CNTNAP5: variants seen among roughly 807,000 people sequenced by gnomAD.
The protein encoded by CNTNAP5 is contactin associated protein family member 5, also known as contactin-associated protein-like 5.
In CNTNAP5, 72 loss-of-function variants were observed where a neutral mutation model predicts 150.2. The observed-to-expected ratio is 0.48, with a 90% CI of 0.40 to 0.58. The LOEUF is 0.58. Among genes scored for constraint, CNTNAP5 ranks in the 20% least tolerant of loss-of-function variants. The probability of loss-of-function intolerance (pLI) is 0.00; values close to 1 mark genes in which losing one functional copy is unlikely to be tolerated. For missense variants in CNTNAP5, 1,636 were observed against 1,626.2 expected (o/e 1.01, Z -0.10); for synonymous variants, 672 against 619.8 (o/e 1.08, Z -1.25).
intron 8 of CNTNAP5, among the ~76,000 whole-genome samples, chr2:124,509,785 TG>T (rs1247958970): frequency 6.6e-6 from 1 of 152,064 alleles, no homozygotes; most frequent in Non-Finnish European, 1.5e-5. Flanking sequence ...TTAAGGAAAG[TG>T]GCTATTTAGG....
intron 3 of CNTNAP5, among the ~76,000 whole-genome samples, chr2:124,254,325 A>C (rs1423647607): frequency 6.6e-6 from 1 of 152,048 alleles, no homozygotes; most frequent in Non-Finnish European, 1.5e-5. Flanking sequence ...CCCCAGATGT[A>C]TTTTCCTAGG....
chr2:124,072,976 A>G (rs959802102), intron 1 of CNTNAP5, among the ~76,000 whole-genome samples: 3 of 152,152 alleles, frequency 2.0e-5, no homozygotes, highest in Admixed American at 2.0e-4. Flanking sequence ...AACTATAGTA[A>G]CCAAAACCAG....
At chr2:124,641,717 G>A (rs151315048) in intron 12 of CNTNAP5, among the ~76,000 whole-genome samples, 1 of 152,298 alleles carries the variant, frequency 6.6e-6, no homozygotes, top group Admixed American at 6.5e-5. Context: ...ACTGTTCAAA[G>A]GATGAGAAGC....
At chr2:124,831,480 G>A (rs1682715250) in intron 19 of CNTNAP5, among the ~76,000 whole-genome samples, 1 of 151,262 alleles carries the variant, frequency 6.6e-6, no homozygotes, top group Non-Finnish European at 1.5e-5. Context: ...TTCTCAAAAT[G>A]ATGCATTTTT....
At chr2:124,518,784 C>T (rs1160419425) in intron 8 of CNTNAP5, among the ~76,000 whole-genome samples, 1 of 151,766 alleles carries the variant, frequency 6.6e-6, no homozygotes, top group Non-Finnish European at 1.5e-5. Context: ...GTCAGGAGTT[C>T]AAGACCAGCC....
intron 22 of CNTNAP5, among the ~76,000 whole-genome samples, chr2:124,906,053 T>C (rs1678529619): frequency 6.6e-6 from 1 of 152,006 alleles, no homozygotes; most frequent in Non-Finnish European, 1.5e-5. Flanking sequence ...AGGGGCAGTG[T>C]CTCCCTGGCC....
Position 124,914,606 on chromosome 2 carries a change from T to G in CNTNAP5, c.*318T>G, listed in dbSNP as rs1678724990. On this transcript the variant is annotated 3_prime_UTR_variant, in exon 24 of 24. Transcript: ENST00000682447. ...AGTTCTGTACTTCCAGTTTCTAAAA[T>G]GCACTGTTCAGTTTTCCAACCACTT... is the stretch of plus-strand genomic sequence containing the variant. 4.7e-6 allele frequency: 1 copy of G among 211,484 alleles called. No individual in the cohort carries two copies. Among genetic ancestry groups the G allele is most frequent in the African/African-American group, 2.3e-5 (1 of 43,484 alleles). The allele number at this position is 211,484 out of a possible 1,614,324, so 13.1% of individuals were successfully genotyped here.
chr2:124,408,281 C>T (rs1691643847), intron 3 of CNTNAP5, among the ~76,000 whole-genome samples: 1 of 152,136 alleles, frequency 6.6e-6, no homozygotes, highest in Non-Finnish European at 1.5e-5. Flanking sequence ...TGAGATCAAA[C>T]TGCAAGGCCG....
At chr2:124,269,727 C>A (rs777173495) in intron 3 of CNTNAP5, among the ~76,000 whole-genome samples, 1 of 152,116 alleles carries the variant, frequency 6.6e-6, no homozygotes, top group Non-Finnish European at 1.5e-5. Context: ...GGATCTCCAT[C>A]CATTCAAGTC....
At chr2:124,499,041 C>A (rs1312827897) in intron 7 of CNTNAP5, among the ~76,000 whole-genome samples, 1 of 152,158 alleles carries the variant, frequency 6.6e-6, no homozygotes, top group Admixed American at 6.5e-5. Context: ...AAACAATAAG[C>A]CAGGAGCAAT....
At position 124,482,506 on chromosome 2, in the gene CNTNAP5, A is replaced by C. The variant is rs890227693; in HGVS notation, c.1062+7624A>C. 2.2e-4 allele frequency among the ~76,000 whole-genome samples: 33 copies of C among 152,178 alleles called. No homozygotes were observed. The Middle Eastern group carries it at 0.01, about 47-fold the overall frequency. ...GGGTCCTGAATGACTTTCATGTCAA[A>C]GTGAAGAAAAAAATAATACAAGGCT... On this transcript the variant is annotated intron_variant, in intron 7 of 23. Transcript: ENST00000682447.
At chr2:124,340,443 G>A (rs1274083349) in intron 3 of CNTNAP5, among the ~76,000 whole-genome samples, 1 of 152,066 alleles carries the variant, frequency 6.6e-6, no homozygotes, top group Non-Finnish European at 1.5e-5. Context: ...CAGTTTTGAG[G>A]AGTAATCAGT....
chr2:124,501,807 A>C (rs1694285109), intron 7 of CNTNAP5, among the ~76,000 whole-genome samples: 1 of 152,148 alleles, frequency 6.6e-6, no homozygotes, highest in Admixed American at 6.5e-5. Flanking sequence ...GCCAACACTC[A>C]CGTGAGCCCA....
intron 4 of CNTNAP5, among the ~76,000 whole-genome samples, chr2:124,420,177 G>C (rs1305980863): frequency 1.3e-5 from 2 of 151,382 alleles, no homozygotes; most frequent in East Asian, 3.9e-4. Flanking sequence ...CTTTAGTAGA[G>C]ATGGAGTTTC....
intron 8 of CNTNAP5, among the ~76,000 whole-genome samples, chr2:124,512,042 G>A (rs1694604491): frequency 6.6e-6 from 1 of 151,726 alleles, no homozygotes. Flanking sequence ...GTTAGTAGAG[G>A]AACAATATTG....
intron 1 of CNTNAP5, among the ~76,000 whole-genome samples, chr2:124,110,894 A>G (rs1263284371): frequency 6.6e-6 from 1 of 152,192 alleles, no homozygotes; most frequent in Non-Finnish European, 1.5e-5. Flanking sequence ...AAAGCTCACC[A>G]CCAGAACGGG....
At chr2:124,902,153 T>C (rs1413715114) in intron 21 of CNTNAP5, among the ~76,000 whole-genome samples, 1 of 152,172 alleles carries the variant, frequency 6.6e-6, no homozygotes, top group African/African-American at 2.4e-5. Context: ...AGAAATGGAA[T>C]ACTGAGTAAT....
rs1257925170 is a variant in CNTNAP5 at position 124,738,114 on chromosome 2, T to G, written c.2078-9115T>G. 2.6e-5 allele frequency among the ~76,000 whole-genome samples: 4 copies of G among 152,310 alleles called. No homozygotes were observed. The East Asian group carries it at 7.7e-4, about 29-fold the overall frequency. On this transcript the variant is annotated intron_variant, in intron 13 of 23. Coordinates refer to ENST00000682447, the MANE Select transcript of CNTNAP5 (RefSeq NM_001367498.1). Reference sequence around the variant, plus strand: ...GCTTTTCATTCATTATTTTTTTTACTGTGTGAATCGGTATAAGTTAAACTA... The same window carrying G: ...GCTTTTCATTCATTATTTTTTTTACGGTGTGAATCGGTATAAGTTAAACTA...
chr2:124,241,051 T>C (rs1381528040), intron 2 of CNTNAP5, among the ~76,000 whole-genome samples: 1 of 152,196 alleles, frequency 6.6e-6, no homozygotes, highest in Non-Finnish European at 1.5e-5. Context: ...ATGTCCTGAG[T>C]TGCTTCTATG....
Sources: allele counts gnomAD v4.1 joint callset (sites outside exome capture counted in the v4.1 genomes callset), GRCh38; gene constraint gnomAD v4.1.1; transcripts MANE v1.5; gene names NCBI Gene and HGNC (gene_info 2026-07-23, HGNC 2026-07-21).